The following BBX variants were observed in gnomAD, a reference collection of about 807,000 sequenced individuals.
BBX encodes HMG box transcription factor BBX.
A neutral mutation model predicts 100.2 loss-of-function variants in BBX; 30 were observed. The ratio of observed to expected loss-of-function variants is 0.30; its 90% CI spans 0.22 to 0.41. The LOEUF (loss-of-function observed/expected upper bound fraction) is 0.41, where lower values mean the gene tolerates loss of function less well. Ranked by LOEUF, BBX falls within the 10% of genes least tolerant of loss-of-function variation. The pLI is 1.00. For synonymous variants in BBX, 376 were observed against 388.1 expected, an observed-to-expected ratio of 0.97 and a Z score of 0.37; for missense variants, 1,023 against 1,129.8, an observed-to-expected ratio of 0.91 and a Z score of 1.35.
chr3:107,764,001 G>A (rs1377462879), intron 10 of BBX, among the ~76,000 whole-genome samples: 2 of 152,132 alleles, frequency 1.3e-5, no homozygotes, highest in African/African-American at 4.8e-5. Context: ...TGCTGCTGTT[G>A]CCGTTTTTTG....
At chr3:107,569,359 T>C (rs1186022132) in intron 2 of BBX, among the ~76,000 whole-genome samples, 4 of 152,204 alleles carry the variant, frequency 2.6e-5, no homozygotes, top group African/African-American at 9.6e-5. Flanking sequence ...ACTGTCTTTC[T>C]TATTTAGAGT....
At chr3:107,733,178 G>A (rs2063418000) in intron 7 of BBX, among the ~76,000 whole-genome samples, 155 bp downstream of exon 7, 1 of 152,074 alleles carries the variant, frequency 6.6e-6, no homozygotes, top group South Asian at 2.1e-4. Context: ...TGTGTCTTGT[G>A]TGTTGAGTGT....
At chr3:107,524,225 C>T (rs1359926055) in intron 1 of BBX, 1 of 152,212 alleles carries the variant, frequency 6.6e-6, no homozygotes, top group East Asian at 1.9e-4. Context: ...GTCGCGATGA[C>T]AGAAAACTTG....
At chr3:107,645,404 A>G (rs926440272) in intron 2 of BBX, among the ~76,000 whole-genome samples, 4 of 152,164 alleles carry the variant, frequency 2.6e-5, no homozygotes, top group Admixed American at 1.3e-4. Context: ...AAGGCAAATC[A>G]TAAGTATTAA....
At chr3:107,625,924 G>T (rs564377483) in intron 2 of BBX, among the ~76,000 whole-genome samples, 3 of 151,856 alleles carry the variant, frequency 2.0e-5, no homozygotes, top group East Asian at 1.9e-4. Context: ...TTTTTCATGG[G>T]GTACATAGTG....
intron 14 of BBX, among the ~76,000 whole-genome samples, chr3:107,790,804 CTGTA>C (rs1309207819): frequency 6.6e-6 from 1 of 152,078 alleles, no homozygotes; most frequent in African/African-American, 2.4e-5. Context: ...ACATGTGTGC[CTGTA>C]TGTTCCTGTA....
At chr3:107,774,659 A>T in intron 11 of BBX, 60 bp from the exon 12 acceptor site, 2 of 1,558,648 alleles carry the variant, frequency 1.3e-6, no homozygotes, top group Non-Finnish European at 1.7e-6. Context: ...GAAGCAACTA[A>T]CATCATCTCC....
intron 3 of BBX, among the ~76,000 whole-genome samples, chr3:107,674,999 A>G (rs574936308): frequency 6.6e-6 from 1 of 152,298 alleles, no homozygotes; most frequent in South Asian, 2.1e-4. Flanking sequence ...TACAGAGTCC[A>G]AGTTTTCAGA....
intron 10 of BBX, among the ~76,000 whole-genome samples, chr3:107,771,590 GAAAT>G (rs1265514897): frequency 2.6e-5 from 4 of 152,166 alleles, no homozygotes; most frequent in Non-Finnish European, 5.9e-5. Context: ...CACAGTAAGT[GAAAT>G]AAACTATTTA....
At chr3:107,567,139 TAGC>T (rs1397200495) in intron 2 of BBX, among the ~76,000 whole-genome samples, 17 of 152,162 alleles carry the variant, frequency 1.1e-4, no homozygotes, top group African/African-American at 3.6e-4. Context: ...ATCTGCAGGT[TAGC>T]AGTATTTAGA....
chr3:107,534,533 G>A (rs993647391), intron 2 of BBX, among the ~76,000 whole-genome samples: 3 of 151,226 alleles, frequency 2.0e-5, no homozygotes, highest in African/African-American at 7.3e-5. Context: ...TATTATGTTT[G>A]GTAATGTGCA....
intron 3 of BBX, among the ~76,000 whole-genome samples, chr3:107,698,532 G>C (rs1428623450): frequency 6.6e-6 from 1 of 151,294 alleles, no homozygotes; most frequent in Non-Finnish European, 1.5e-5. Context: ...TACTCCTGTA[G>C]TCCCAGAAAC....
At chr3:107,719,880 A>C (rs1305416804) in intron 5 of BBX, among the ~76,000 whole-genome samples, 2 of 152,152 alleles carry the variant, frequency 1.3e-5, no homozygotes. Flanking sequence ...TCTATTTGTC[A>C]TTTAAACTAA....
chr3:107,644,890 G>A (rs2057424414), intron 2 of BBX, among the ~76,000 whole-genome samples: 1 of 151,914 alleles, frequency 6.6e-6, no homozygotes, highest in African/African-American at 2.4e-5. Flanking sequence ...ACATATTTTT[G>A]ATATTTAATG....
intron 3 of BBX, among the ~76,000 whole-genome samples, chr3:107,700,969 CTGGGTCAAA>C (rs1229082102): frequency 6.6e-6 from 1 of 151,742 alleles, no homozygotes; most frequent in African/African-American, 2.4e-5. Flanking sequence ...AATGGGATGG[CTGGGTCAAA>C]TGGTATTTCT....
chr3:107,747,470 TGTGG>T (rs541234952), intron 8 of BBX, among the ~76,000 whole-genome samples: 19 of 152,184 alleles, frequency 1.2e-4, no homozygotes, highest in Admixed American at 6.5e-4. Flanking sequence ...AAGGTCATGT[TGTGG>T]GTAAGTAGCA....
chr3:107,639,253 C>T (rs1482346604), intron 2 of BBX, among the ~76,000 whole-genome samples: 1 of 152,160 alleles, frequency 6.6e-6, no homozygotes, highest in Non-Finnish European at 1.5e-5. Flanking sequence ...GCCCAGGGAA[C>T]ACTCTTGCCT....
intron 2 of BBX, among the ~76,000 whole-genome samples, chr3:107,583,629 A>G (rs956355004): frequency 2.6e-5 from 4 of 151,562 alleles, no homozygotes; most frequent in African/African-American, 9.7e-5. Flanking sequence ...ACAATAAATT[A>G]TTAACTATAA....
intron 2 of BBX, among the ~76,000 whole-genome samples, chr3:107,624,726 G>A (rs896932885): frequency 1.1e-4 from 17 of 152,096 alleles, no homozygotes; most frequent in African/African-American, 4.1e-4. Flanking sequence ...AAAATAAGCT[G>A]GGCATGATGG....
Sources: allele counts gnomAD v4.1 joint callset (sites outside exome capture counted in the v4.1 genomes callset), GRCh38; gene constraint gnomAD v4.1.1; transcripts MANE v1.5; gene names NCBI Gene and HGNC (gene_info 2026-07-23, HGNC 2026-07-21).